Variants in PTPRR observed in about 807,000 individuals in gnomAD.
The protein encoded by PTPRR is receptor-type tyrosine-protein phosphatase R.
Under a neutral mutation model 77.2 loss-of-function variants are expected in PTPRR, and 38 were observed. The observed-to-expected ratio is 0.49, with a 90% confidence interval of 0.38 to 0.65. PTPRR has a LOEUF of 0.65. PTPRR is among the 30% of genes least tolerant of loss of function. PTPRR has a pLI of 0.00. For synonymous variants in PTPRR, 299 were observed against 283.1 expected, an observed-to-expected ratio of 1.06 and a Z score of -0.57; for missense variants, 744 against 799.2, an observed-to-expected ratio of 0.93 and a Z score of 0.83.
chr12:70,892,773 G>A lies in PTPRR; in HGVS notation c.263C>T (p.Pro88Leu). 3 of 1,613,446 alleles carry A rather than the reference G, an allele frequency of 1.9e-6. No homozygotes were observed. The highest frequency in any genetic ancestry group is 2.5e-6 in the Non-Finnish European group (3 of 1,179,484). ...CAGATTGAGAGACGGGTCATATGCG[G>A]GTCTAGGAAATGCTGAATTGACAAT... Reference protein sequence around the residue: ...HQIVNSAFPRPAYDPSLNLLA... With the variant: ...HQIVNSAFPRLAYDPSLNLLA... Residue 88 changes from proline (P) to leucine (L), a missense_variant, in exon 2 of 14, where the codon CCC (proline) becomes CTC (leucine). Around this residue, in one of 3 missense-constraint regions of PTPRR, gnomAD observed 570 missense variants for 573.2 expected, o/e 0.99. Coordinates refer to ENST00000283228, the MANE Select transcript of PTPRR (RefSeq NM_002849.4).
rs11833151 is a variant in PTPRR at position 70,688,949 on chromosome 12, A to G, written c.1280-4166T>C. Among the ~76,000 whole-genome samples the G allele has an allele frequency of 9.4e-3, 1,434 of 152,234 alleles. 22 individuals carry two copies. Among genetic ancestry groups the G allele is most frequent in the African/African-American group, 0.033 (1,374 of 41,540 alleles). The stretch of plus-strand genomic sequence containing the variant: ...AATAAGCCAGGCACAGAGAGACATG[A>G]TCTTCTTTATGTGTGGAATCTAAAA... On this transcript the variant is annotated intron_variant, in intron 8 of 13. Coordinates refer to ENST00000283228, the MANE Select transcript of PTPRR (RefSeq NM_002849.4).
At chr12:70,721,606 T>A (rs985792052) in intron 6 of PTPRR, among the ~76,000 whole-genome samples, 1 of 152,216 alleles carries the variant, frequency 6.6e-6, no homozygotes, top group Non-Finnish European at 1.5e-5. Flanking sequence ...GCAAATGCAG[T>A]TTCCCTGACT....
chr12:70,814,141 G>C (rs941035615), intron 2 of PTPRR, among the ~76,000 whole-genome samples: 1 of 152,138 alleles, frequency 6.6e-6, no homozygotes, highest in African/African-American at 2.4e-5. Context: ...AGAGGCAAAA[G>C]CAAATTTATT....
intron 2 of PTPRR, among the ~76,000 whole-genome samples, chr12:70,853,241 G>T (rs1371277937): frequency 3.9e-5 from 6 of 152,176 alleles, no homozygotes; most frequent in Non-Finnish European, 8.8e-5. Context: ...TTTAAGAAAG[G>T]TTCTGCTATA....
intron 6 of PTPRR, among the ~76,000 whole-genome samples, chr12:70,735,288 A>G (rs1251958196): frequency 1.3e-5 from 2 of 152,206 alleles, no homozygotes; most frequent in Non-Finnish European, 2.9e-5. Context: ...GAGTTAATCT[A>G]TAAGGAAAAA....
intron 5 of PTPRR, among the ~76,000 whole-genome samples, chr12:70,751,162 G>T (rs1227439706): frequency 6.6e-6 from 1 of 152,116 alleles, no homozygotes; most frequent in African/African-American, 2.4e-5. Context: ...TTCTGAACGT[G>T]TCCCTCTCCC....
chr12:70,893,794 A>C (rs189875718), intron 1 of PTPRR, among the ~76,000 whole-genome samples: 149 of 152,064 alleles, frequency 9.8e-4, no homozygotes, highest in Non-Finnish European at 1.8e-3. Flanking sequence ...GATGAAAGTG[A>C]AACTACCATA....
chr12:70,834,293 C>T (rs1352104107), intron 2 of PTPRR, among the ~76,000 whole-genome samples: 1 of 152,080 alleles, frequency 6.6e-6, no homozygotes, highest in Non-Finnish European at 1.5e-5. Context: ...TTTATGGTGA[C>T]AAGCTTGTAT....
At chr12:70,681,497 G>A (rs1290297411) in intron 10 of PTPRR, among the ~76,000 whole-genome samples, 1 of 152,172 alleles carries the variant, frequency 6.6e-6, no homozygotes, top group Non-Finnish European at 1.5e-5. Context: ...CACTGGGGAT[G>A]CATCTCCTTG....
chr12:70,755,372 G>A (rs1300831043), intron 4 of PTPRR, among the ~76,000 whole-genome samples: 1 of 152,002 alleles, frequency 6.6e-6, no homozygotes, highest in Non-Finnish European at 1.5e-5. Context: ...TGAAATCATT[G>A]CTAATTTATT....
intron 2 of PTPRR, among the ~76,000 whole-genome samples, chr12:70,884,781 G>C (rs1009470953): frequency 1.3e-5 from 2 of 148,710 alleles, no homozygotes; most frequent in African/African-American, 5.0e-5. Context: ...CTGAGGCCAG[G>C]GAATGGCGTG....
intron 2 of PTPRR, among the ~76,000 whole-genome samples, chr12:70,854,094 T>C (rs984830435): frequency 6.6e-6 from 1 of 152,216 alleles, no homozygotes; most frequent in Non-Finnish European, 1.5e-5. Flanking sequence ...TAAAATTGCA[T>C]GCCAGCAAGG....
Position 70,662,508 on chromosome 12 carries a change from T to A in PTPRR, c.1595A>T (p.Asn532Ile). The A allele has an allele frequency of 6.3e-7, 1 of 1,595,380 alleles. No individual in the cohort carries two copies. Among genetic ancestry groups the A allele is most frequent in the Non-Finnish European group, 8.6e-7 (1 of 1,165,086 alleles). The stretch of plus-strand genomic sequence containing the variant: ...ACATAATCTTACCTTTAAGACAAGG[T>A]TTCGAATGGTGTAGTTATCACATTC... ...VNECDNYTIR[N>I]LVLKQGSHTQ... Residue 532 changes from asparagine (N) to isoleucine (I), a missense_variant, in exon 11 of 14, where the codon AAC becomes ATC. By Grantham distance (149) the Asn-to-Ile change is moderately radical (BLOSUM62 -3). Around this residue, in one of 3 missense-constraint regions of PTPRR, gnomAD observed 170 missense variants for 209.8 expected, o/e 0.81. Transcript: ENST00000283228.
chr12:70,767,439 G>C (rs1019225097), intron 2 of PTPRR, among the ~76,000 whole-genome samples: 4 of 151,262 alleles, frequency 2.6e-5, no homozygotes, highest in Non-Finnish European at 1.5e-5. Context: ...TAATGGTAAA[G>C]GGATCAATTC....
At chr12:70,862,527 G>A (rs898148236) in intron 2 of PTPRR, among the ~76,000 whole-genome samples, 1 of 146,176 alleles carries the variant, frequency 6.8e-6, no homozygotes, top group Non-Finnish European at 1.5e-5. Context: ...ACTCATAGGT[G>A]GGAATTGAAC....
intron 2 of PTPRR, among the ~76,000 whole-genome samples, chr12:70,770,584 T>C (rs1273795824): frequency 6.6e-6 from 1 of 152,184 alleles, no homozygotes; most frequent in African/African-American, 2.4e-5. Flanking sequence ...AGTTCAACCA[T>C]TGTGGAAGTC....
intron 2 of PTPRR, chr12:70,788,772 C>G: frequency 7.7e-7 from 1 of 1,297,090 alleles, no homozygotes; most frequent in Non-Finnish European, 1.1e-6. Flanking sequence ...AAGCTCTTAA[C>G]ATTACACCGA....
intron 1 of PTPRR, among the ~76,000 whole-genome samples, chr12:70,899,051 A>T (rs1893485082): frequency 6.6e-6 from 1 of 151,570 alleles, no homozygotes; most frequent in South Asian, 2.1e-4. Context: ...AATTGTGCTA[A>T]AATTATAAAA....
rs550722978 is a variant in PTPRR at position 70,810,177 on chromosome 12, A to G, written c.358-45399T>C. Reference sequence around the variant, plus strand: ...CATCAGATGGTTTGTGAAGCCTTAAAGAGCTACCCTGAAGTTATTTTCGGT... The same window carrying G: ...CATCAGATGGTTTGTGAAGCCTTAAGGAGCTACCCTGAAGTTATTTTCGGT... On this transcript the variant is annotated intron_variant, in intron 2 of 13. Transcript: ENST00000283228. 2.6e-5 allele frequency among the ~76,000 whole-genome samples: 4 copies of G among 152,286 alleles called. 1 individual carries two copies. In the South Asian group the frequency reaches 8.3e-4, roughly 32 times the overall value.
Sources: gnomAD v4.1 joint callset for allele counts (sites outside exome capture counted in the v4.1 genomes callset) on GRCh38, gnomAD v4.1.1 for gene constraint, gnomAD v4.1.1 regional missense constraint, MANE v1.5 for transcripts, NCBI Gene and HGNC (gene_info 2026-07-23, HGNC 2026-07-21) for gene names.